Variants in FYB1 observed in about 807,000 individuals in gnomAD.
FYB1 encodes FYN-binding protein 1.
Under a neutral mutation model 94.1 loss-of-function variants are expected in FYB1, and 41 were observed. The observed-to-expected ratio is 0.44, with a 90% CI of 0.34 to 0.57. FYB1 has a LOEUF of 0.57. FYB1 is among the 20% of genes least tolerant of loss of function. FYB1 has a pLI of 0.02. For missense variants in FYB1, 1,050 were observed against 976.8 expected (o/e 1.07, Z -1.00); for synonymous variants, 367 against 353.2 (o/e 1.04, Z -0.44).
chr5:39,232,762 C>T (rs1225516371), intron 1 of FYB1, among the ~76,000 whole-genome samples: 6 of 149,830 alleles, frequency 4.0e-5, no homozygotes, highest in Admixed American at 3.3e-4. Flanking sequence ...ATTCCCCTTC[C>T]TGTGTCCATG....
chr5:39,245,174 TG>T (rs1181245489), intron 1 of FYB1, among the ~76,000 whole-genome samples: 1 of 151,964 alleles, frequency 6.6e-6, no homozygotes, highest in Non-Finnish European at 1.5e-5. Flanking sequence ...TAGGAGGGAG[TG>T]GTATAAGAGA....
rs1165478599 is a variant in FYB1 at position 39,241,366 on chromosome 5, A to G, written c.-28+33037T>C. Reference sequence around the variant, plus strand: ...AAGGCATCACTACAACAGGGTGTCCAGGACCTATGAGTCTGGTCCATGGAA... The same window carrying G: ...AAGGCATCACTACAACAGGGTGTCCGGGACCTATGAGTCTGGTCCATGGAA... On this transcript the variant is annotated intron_variant, in intron 1 of 1. Coordinates refer to the FYB1 transcript ENST00000510188. Among the ~76,000 whole-genome samples, 5 of 152,328 alleles carry G rather than the reference A, an allele frequency of 3.3e-5. No homozygotes were observed. In the East Asian group the frequency reaches 9.7e-4, roughly 29 times the overall value.
At chr5:39,247,548 T>G (rs1168346900) in intron 1 of FYB1, among the ~76,000 whole-genome samples, 1 of 152,078 alleles carries the variant, frequency 6.6e-6, no homozygotes, top group East Asian at 1.9e-4. Context: ...CCTAAAATGA[T>G]AAGGACTATA....
intron 2 of FYB1, chr5:39,170,327 A>G: frequency 7.5e-7 from 1 of 1,334,556 alleles, no homozygotes; most frequent in Non-Finnish European, 1.0e-6. Flanking sequence ...TCAACAAACC[A>G]AGACATGATG....
intron 1 of FYB1, among the ~76,000 whole-genome samples, chr5:39,218,692 A>T (rs1470631807): frequency 6.6e-6 from 1 of 152,230 alleles, no homozygotes; most frequent in Non-Finnish European, 1.5e-5. Context: ...CCAAAGTCAC[A>T]CAGCTAATAG....
chr5:39,144,874 T>G (rs1738634803), intron 3 of FYB1, among the ~76,000 whole-genome samples: 1 of 152,202 alleles, frequency 6.6e-6, no homozygotes, highest in Non-Finnish European at 1.5e-5. Context: ...TTTGGATTCT[T>G]ATTCAAACAA....
At chr5:39,213,183 A>G (rs1408713128) in intron 1 of FYB1, among the ~76,000 whole-genome samples, 2 of 152,180 alleles carry the variant, frequency 1.3e-5, no homozygotes, top group Non-Finnish European at 1.5e-5. Context: ...CCAAAGCCCA[A>G]TTAGTTTTTA....
Position 39,236,609 on chromosome 5 carries a change from G to T in FYB1, c.-27-33622C>A, listed in dbSNP as rs115398789. On this transcript the variant is annotated intron_variant, in intron 1 of 1. Coordinates refer to the FYB1 transcript ENST00000510188. ...TTCTCATCATAGTTTAAAAGATGAAGACAAAGATGCAGACAGCTACATAAC... is the reference window on the plus strand; with the variant it reads ...TTCTCATCATAGTTTAAAAGATGAATACAAAGATGCAGACAGCTACATAAC... Among the ~76,000 whole-genome samples, 1,215 of 152,208 alleles carry T rather than the reference G, an allele frequency of 8.0e-3. 22 individuals are homozygous for T. Among genetic ancestry groups the T allele is most frequent in the African/African-American group, 0.028 (1,153 of 41,540 alleles).
chr5:39,175,314 G>A (rs2150408460), intron 2 of FYB1, among the ~76,000 whole-genome samples: 1 of 152,280 alleles, frequency 6.6e-6, no homozygotes, highest in African/African-American at 2.4e-5. Context: ...TATCAGACAG[G>A]GAGACAGGGT....
At chr5:39,107,617 G>T (rs1379852777) in intron 18 of FYB1, among the ~76,000 whole-genome samples, 152 bp from the exon 19 acceptor site, 1 of 151,894 alleles carries the variant, frequency 6.6e-6, no homozygotes, top group Non-Finnish European at 1.5e-5. Flanking sequence ...TTAAATGGAA[G>T]ATCATATATT....
chr5:39,140,986 A>G lies in FYB1; in HGVS notation c.1339+109T>C, dbSNP rs10214021. The stretch of plus-strand genomic sequence containing the variant: ...ACAAATAAAACGAGAGGGGCCTTGC[A>G]CAGACCAGTGATGATAATGACCCAT... On this transcript the variant is annotated intron_variant, in intron 4 of 18. Transcript: ENST00000512982. The G allele has an allele frequency of 0.026, 19,012 of 741,504 alleles. 2,025 individuals carry two copies. The African/African-American group carries it at 0.26, about 10-fold the overall frequency. 45.9% of individuals were successfully genotyped at this position (741,504 alleles called of 1,614,324 possible). A position where few individuals can be genotyped will look rare whatever the true frequency, so the allele number is the denominator to read the frequency against.
At chr5:39,266,819 A>G (rs1752455540) in intron 1 of FYB1, among the ~76,000 whole-genome samples, 1 of 152,226 alleles carries the variant, frequency 6.6e-6, no homozygotes, top group African/African-American at 2.4e-5. Flanking sequence ...TAGTGACCAT[A>G]GCAGAAGCAG....
At chr5:39,247,857 C>T (rs370020877) in intron 1 of FYB1, among the ~76,000 whole-genome samples, 26 of 150,704 alleles carry the variant, frequency 1.7e-4, no homozygotes, top group African/African-American at 6.3e-4. Context: ...TTGGCAATAA[C>T]TTTTTTTCTT....
chr5:39,159,998 T>C (rs1253435879), intron 2 of FYB1, among the ~76,000 whole-genome samples: 1 of 152,220 alleles, frequency 6.6e-6, no homozygotes, highest in African/African-American at 2.4e-5. Flanking sequence ...CTCTTCTTCA[T>C]GGCCAAACTT....
intron 1 of FYB1, among the ~76,000 whole-genome samples, chr5:39,258,740 CTT>C (rs1752083978): frequency 6.6e-6 from 1 of 152,202 alleles, no homozygotes; most frequent in Non-Finnish European, 1.5e-5. Context: ...CTCTCACTGA[CTT>C]AGCACATGTC....
intron 14 of FYB1, among the ~76,000 whole-genome samples, chr5:39,120,866 C>T (rs1368316996): frequency 6.6e-6 from 1 of 151,942 alleles, no homozygotes; most frequent in Non-Finnish European, 1.5e-5. Context: ...GTACTGCCTG[C>T]CTATGGTAGT....
At chr5:39,165,566 G>A (rs75657235) in intron 2 of FYB1, among the ~76,000 whole-genome samples, 5,097 of 152,186 alleles carry the variant, frequency 0.033, 290 homozygotes, top group African/African-American at 0.12. Context: ...AAAACTTATG[G>A]TCATTAGCCT....
At chr5:39,128,797 A>G (rs1181361599) in intron 10 of FYB1, among the ~76,000 whole-genome samples, 2 of 152,100 alleles carry the variant, frequency 1.3e-5, no homozygotes, top group Non-Finnish European at 2.9e-5. Context: ...TTTCATTAAT[A>G]TACACAAACA....
chr5:39,179,194 G>A (rs1254269663), intron 2 of FYB1, among the ~76,000 whole-genome samples: 2 of 152,176 alleles, frequency 1.3e-5, no homozygotes, highest in African/African-American at 4.8e-5. Flanking sequence ...TGTAGATGAG[G>A]AAACATGCAA....
Sources: allele counts gnomAD v4.1 joint callset (sites outside exome capture counted in the v4.1 genomes callset), GRCh38; gene constraint gnomAD v4.1.1; transcripts MANE v1.5; gene names NCBI Gene and HGNC (gene_info 2026-07-23, HGNC 2026-07-21).